ARSB: variants seen among roughly 807,000 people sequenced by gnomAD.
ARSB encodes arylsulfatase B, also known as N-acetylgalactosamine-4-sulfatase.
In ARSB, 41 loss-of-function variants were observed where a neutral mutation model predicts 50.9. The observed-to-expected ratio is 0.81, with a 90% CI of 0.63 to 1.04. The LOEUF is 1.04. ARSB is among the 50% of genes least tolerant of loss of function. The probability of loss-of-function intolerance (pLI) is 0.00; values close to 1 mark genes in which losing one functional copy is unlikely to be tolerated. For missense variants in ARSB, 672 were observed against 693.3 expected (o/e 0.97, Z 0.35); for synonymous variants, 269 against 284.8 (o/e 0.94, Z 0.56).
intron 6 of ARSB, among the ~76,000 whole-genome samples, chr5:78,817,573 CCAAGAGGGG>C (rs1744047048): frequency 6.6e-6 from 1 of 152,106 alleles, no homozygotes; most frequent in East Asian, 1.9e-4. Flanking sequence ...CTTTGGGAGG[CCAAGAGGGG>C]TGAATCACCT....
intron 4 of ARSB, among the ~76,000 whole-genome samples, chr5:78,908,271 C>T (rs1048188040): frequency 3.9e-5 from 6 of 152,130 alleles, no homozygotes; most frequent in Non-Finnish European, 7.4e-5. Context: ...TGTCCTCTGA[C>T]CCCCCTCCCC....
chr5:78,957,663 CACAT>C (rs1751789356), intron 3 of ARSB, among the ~76,000 whole-genome samples: 1 of 152,208 alleles, frequency 6.6e-6, no homozygotes, highest in Non-Finnish European at 1.5e-5. Context: ...CCACTCGACA[CACAT>C]ACACCTTCTA....
chr5:78,886,743 A>G (rs1424699659), intron 4 of ARSB, among the ~76,000 whole-genome samples: 1 of 152,024 alleles, frequency 6.6e-6, no homozygotes, highest in Non-Finnish European at 1.5e-5. Flanking sequence ...CACATTTTAA[A>G]TAACACATAT....
chr5:78,790,678 T>C (rs1285913331), intron 6 of ARSB, among the ~76,000 whole-genome samples: 2 of 152,238 alleles, frequency 1.3e-5, no homozygotes, highest in Non-Finnish European at 2.9e-5. Context: ...GATATTAACA[T>C]CTGTCAATAA....
At chr5:78,913,187 C>CGAT (rs2112323539) in intron 4 of ARSB, among the ~76,000 whole-genome samples, 1 of 151,228 alleles carries the variant, frequency 6.6e-6, no homozygotes, top group East Asian at 2.0e-4. Flanking sequence ...TGCAGTGGCG[C>CGAT]GATCTCCGCT....
chr5:78,861,204 T>G (rs1746418700), intron 5 of ARSB, among the ~76,000 whole-genome samples: 1 of 152,202 alleles, frequency 6.6e-6, no homozygotes, highest in Non-Finnish European at 1.5e-5. Flanking sequence ...CTGGTACCAT[T>G]GCTTCTGAAA....
At chr5:78,884,257 C>A (rs1380422070) in intron 5 of ARSB, 2 of 152,100 alleles carry the variant, frequency 1.3e-5, no homozygotes, top group African/African-American at 4.8e-5. Flanking sequence ...TTCAAATTTA[C>A]AAAAAGTTGC....
chr5:78,864,830 C>T (rs1410717225), intron 5 of ARSB, among the ~76,000 whole-genome samples: 1 of 152,194 alleles, frequency 6.6e-6, no homozygotes, highest in Admixed American at 6.5e-5. Context: ...GCTACAGGGC[C>T]CATGCAAGTC....
chr5:78,854,389 C>A (rs1746036284), intron 5 of ARSB, among the ~76,000 whole-genome samples: 1 of 152,214 alleles, frequency 6.6e-6, no homozygotes, highest in African/African-American at 2.4e-5. Flanking sequence ...CTTAACACTT[C>A]TTTTGCTGTA....
chr5:78,840,268 C>T (rs1745144610), intron 5 of ARSB, among the ~76,000 whole-genome samples: 1 of 152,152 alleles, frequency 6.6e-6, no homozygotes, highest in Non-Finnish European at 1.5e-5. Flanking sequence ...TAATCTAATA[C>T]AGTTCAGCTA....
At chr5:78,856,323 T>G (rs1261629605) in intron 5 of ARSB, among the ~76,000 whole-genome samples, 1 of 152,194 alleles carries the variant, frequency 6.6e-6, no homozygotes, top group Non-Finnish European at 1.5e-5. Context: ...AAGATGGGTA[T>G]CTAGCTTTTA....
chr5:78,894,799 C>T (rs1375504092), intron 4 of ARSB, among the ~76,000 whole-genome samples: 1 of 152,158 alleles, frequency 6.6e-6, no homozygotes, highest in East Asian at 1.9e-4. Context: ...ACTCTGTGAG[C>T]CCCCAGAGTC....
At chr5:78,899,494 G>C (rs1748709375) in intron 4 of ARSB, among the ~76,000 whole-genome samples, 2 of 152,052 alleles carry the variant, frequency 1.3e-5, no homozygotes, top group Non-Finnish European at 2.9e-5. Flanking sequence ...TATTGTAGGT[G>C]GTCTTTGTTA....
At chr5:78,813,729 C>G (rs779894624) in intron 6 of ARSB, among the ~76,000 whole-genome samples, 1 of 151,930 alleles carries the variant, frequency 6.6e-6, no homozygotes, top group Non-Finnish European at 1.5e-5. Flanking sequence ...TGTGCTCATC[C>G]TGGAGGACAG....
Position 78,780,563 on chromosome 5 carries a change from C to T in ARSB, c.1436G>A (p.Arg479Gln), listed in dbSNP as rs753280868. The T allele has an allele frequency of 1.9e-5, 31 of 1,613,892 alleles. No homozygotes were observed. Among genetic ancestry groups the T allele is most frequent in the South Asian group, 3.3e-5 (3 of 91,076 alleles). The change falls in exon 8 of 8, where the codon CGG becomes CAG. Residue 479 changes from arginine (R) to glutamine (Q), a missense_variant. Physicochemically the swap from Arg to Gln is conservative, Grantham distance 43. Transcript: ENST00000264914. ...CAGGTCATGTCTTTCTTCAGGGTCC[C>T]GATCAATATCAAAGAGCCAGAGGGT... The part of the protein sequence containing the change: ...TKTLWLFDID[R>Q]DPEERHDLSR...
At chr5:78,823,789 T>C (rs1744328022) in intron 6 of ARSB, among the ~76,000 whole-genome samples, 1 of 152,250 alleles carries the variant, frequency 6.6e-6, no homozygotes, top group African/African-American at 2.4e-5. Context: ...CATGTTACTT[T>C]AGGATCAGAA....
intron 3 of ARSB, among the ~76,000 whole-genome samples, chr5:78,962,538 T>TTTTG (rs1752036193): frequency 6.8e-6 from 1 of 146,824 alleles, no homozygotes; most frequent in African/African-American, 2.6e-5. Flanking sequence ...TTTTTTTTTT[T>TTTTG]TTTTTTTGAG....
intron 4 of ARSB, among the ~76,000 whole-genome samples, chr5:78,947,613 A>G (rs1561520378): frequency 6.6e-6 from 1 of 152,216 alleles, no homozygotes; most frequent in African/African-American, 2.4e-5. Flanking sequence ...AATGGCTTTT[A>G]TCCAAAAGAC....
intron 4 of ARSB, among the ~76,000 whole-genome samples, chr5:78,915,627 T>C (rs1444117357): frequency 6.6e-6 from 1 of 152,172 alleles, no homozygotes; most frequent in African/African-American, 2.4e-5. Flanking sequence ...ACACTACAGG[T>C]TGAATACTCC....
Sources: allele counts gnomAD v4.1 joint callset (sites outside exome capture counted in the v4.1 genomes callset), GRCh38; gene constraint gnomAD v4.1.1; transcripts MANE v1.5; gene names NCBI Gene and HGNC (gene_info 2026-07-23, HGNC 2026-07-21).